The following CD9 variants were observed in gnomAD, a reference collection of about 807,000 sequenced individuals.
CD9 encodes the protein CD9 antigen.
A neutral mutation model predicts 31.4 loss-of-function variants in CD9; 10 were observed. The ratio of observed to expected loss-of-function variants is 0.32; its 90% CI spans 0.20 to 0.54. The LOEUF (loss-of-function observed/expected upper bound fraction) is 0.54. CD9 is among the 20% of genes least tolerant of loss of function. The pLI, the probability that CD9 is intolerant of heterozygous loss-of-function variation, is 0.94. For synonymous variants in CD9, 113 were observed against 114.1 expected (o/e 0.99, Z 0.06); for missense variants, 259 against 300.1 (o/e 0.86, Z 1.01).
chr12:6,229,711 G>GTCC (rs11568256), intron 2 of CD9, among the ~76,000 whole-genome samples: 4,168 of 152,118 alleles, frequency 0.027, 181 homozygotes, highest in African/African-American at 0.093. Flanking sequence ...AGCCTGCTGT[G>GTCC]TCCTCTCCCT....
At position 6,200,687 on chromosome 12, in the gene CD9, G is replaced by A. The variant is rs527519221; in HGVS notation, c.66+122G>A. ...CCCGCACCGGGCAGGCACCGGGCGG[G>A]AAGAGAGAGCGCCCTGCGGCTGCCA... On this transcript the variant is annotated intron_variant, in intron 1 of 7. Coordinates refer to ENST00000009180, the MANE Select transcript of CD9 (RefSeq NM_001769.4). 10 of 616,076 alleles carry A rather than the reference G, an allele frequency of 1.6e-5. No individual in the cohort carries two copies. In the South Asian group the frequency reaches 2.1e-4, roughly 13 times the overall value. The allele number at this position is 616,076 out of a possible 1,614,324, so 38.2% of individuals were successfully genotyped here.
intron 1 of CD9, among the ~76,000 whole-genome samples, chr12:6,203,544 T>G (rs1165400246): frequency 6.6e-6 from 1 of 152,142 alleles, no homozygotes; most frequent in Non-Finnish European, 1.5e-5. Flanking sequence ...GGGCTGTGCC[T>G]CTTCCCTGGC....
chr12:6,233,163 A>G, intron 3 of CD9: 3 of 667,538 alleles, frequency 4.5e-6, no homozygotes, highest in South Asian at 3.3e-5. Context: ...TGTAAATGCT[A>G]GTTCTGGGCT....
chr12:6,223,575 T>C (rs1292071939), intron 1 of CD9, among the ~76,000 whole-genome samples: 3 of 151,020 alleles, frequency 2.0e-5, no homozygotes, highest in African/African-American at 7.4e-5. Flanking sequence ...TTTGTACTTT[T>C]AATGCTCAGG....
At chr12:6,219,217 G>C (rs1946269807) in intron 1 of CD9, among the ~76,000 whole-genome samples, 1 of 151,976 alleles carries the variant, frequency 6.6e-6, no homozygotes, top group Non-Finnish European at 1.5e-5. Context: ...TGTTGGCCAG[G>C]CTGGTCTCAA....
intron 1 of CD9, among the ~76,000 whole-genome samples, chr12:6,205,297 C>T (rs1232348124): frequency 6.6e-6 from 1 of 152,182 alleles, no homozygotes; most frequent in African/African-American, 2.4e-5. Context: ...CAACAAAGAC[C>T]CAATCTTTTG....
At chr12:6,201,185 C>G (rs1210427577) in intron 1 of CD9, among the ~76,000 whole-genome samples, 2 of 152,212 alleles carry the variant, frequency 1.3e-5, no homozygotes, top group Non-Finnish European at 2.9e-5. Flanking sequence ...CGCAGGCCCC[C>G]GTTCCCTCAG....
At position 6,232,477 on chromosome 12, in the gene CD9, C is replaced by T; in HGVS notation, c.176-155C>T. 1.5e-6 allele frequency: 1 copy of T among 659,590 alleles called. No homozygotes were observed. 40.9% of individuals were successfully genotyped at this position (659,590 alleles called of 1,614,324 possible). A position where few individuals can be genotyped will look rare whatever the true frequency, so the allele number is the denominator to read the frequency against. ...CCTGGGGCAGAGGTGGAAGAGGAGG[C>T]TGTATTTTAAGGAAAGGGAACTTCT... On this transcript the variant is annotated intron_variant, in intron 2 of 7. Coordinates refer to ENST00000009180, the MANE Select transcript of CD9 (RefSeq NM_001769.4). This position sits in a 1 kb window ranked among gnomAD's most constrained non-coding sequence, Gnocchi z 4.8.
At chr12:6,222,438 A>G (rs1241862607) in intron 1 of CD9, among the ~76,000 whole-genome samples, 1 of 152,036 alleles carries the variant, frequency 6.6e-6, no homozygotes, top group African/African-American at 2.4e-5. Context: ...AGCTTTTCCC[A>G]TTTCTCCAGA....
At chr12:6,207,107 C>T in intron 1 of CD9, among the ~76,000 whole-genome samples, 1 of 152,112 alleles carries the variant, frequency 6.6e-6, no homozygotes, top group Non-Finnish European at 1.5e-5. Context: ...GTCTTGAACT[C>T]CTGGGCTCAA....
intron 1 of CD9, among the ~76,000 whole-genome samples, chr12:6,210,551 C>G (rs1173822396): frequency 6.6e-6 from 1 of 152,182 alleles, no homozygotes; most frequent in East Asian, 1.9e-4. Context: ...ATGCAGCTGC[C>G]CTGCTGTCAG....
chr12:6,223,419 G>A (rs1198295872), intron 1 of CD9, among the ~76,000 whole-genome samples: 1 of 152,086 alleles, frequency 6.6e-6, no homozygotes, highest in Non-Finnish European at 1.5e-5. Context: ...CCGCCACCAC[G>A]CCTGGAGAAT....
At chr12:6,234,714 T>C (rs1254198298) in intron 4 of CD9, among the ~76,000 whole-genome samples, 1 of 152,256 alleles carries the variant, frequency 6.6e-6, no homozygotes, top group African/African-American at 2.4e-5. Flanking sequence ...AGATTTACTC[T>C]GTACTGGACA....
chr12:6,206,310 A>G (rs1476516908), intron 1 of CD9, among the ~76,000 whole-genome samples: 3 of 151,872 alleles, frequency 2.0e-5, no homozygotes, highest in South Asian at 2.1e-4. Context: ...TGCAAACTCA[A>G]CCTCCCAGCT....
intron 1 of CD9, among the ~76,000 whole-genome samples, chr12:6,222,550 C>T (rs541830746): frequency 6.6e-6 from 1 of 152,300 alleles, no homozygotes; most frequent in South Asian, 2.1e-4. Flanking sequence ...GGGGGACTCC[C>T]GACTCCGGGC....
chr12:6,222,761 G>A (rs1946308209), intron 1 of CD9, among the ~76,000 whole-genome samples: 1 of 152,214 alleles, frequency 6.6e-6, no homozygotes, highest in Non-Finnish European at 1.5e-5. Flanking sequence ...GTTCCACTGG[G>A]GTACCCTGTC....
chr12:6,229,779 A>G lies in CD9; in HGVS notation c.176-2853A>G, dbSNP rs562379359. Reference sequence around the variant, plus strand: ...AAACACTGTTCCATTTCTTGTGTAAAGGACACGCTGGCATATGCTACTGCT... The same window carrying G: ...AAACACTGTTCCATTTCTTGTGTAAGGGACACGCTGGCATATGCTACTGCT... On this transcript the variant is annotated intron_variant, in intron 2 of 7. Coordinates refer to ENST00000009180, the MANE Select transcript of CD9 (RefSeq NM_001769.4). Among the ~76,000 whole-genome samples, 14 of 151,528 alleles carry G rather than the reference A, an allele frequency of 9.2e-5. No individual in the cohort carries two copies. In the East Asian group the frequency reaches 2.7e-3, roughly 29 times the overall value.
chr12:6,221,144 T>C (rs554782935), intron 1 of CD9, among the ~76,000 whole-genome samples: 4 of 152,208 alleles, frequency 2.6e-5, no homozygotes, highest in Admixed American at 6.5e-5. Context: ...CGAAGAAATT[T>C]CCAGTAAAAC....
rs141582514 is a variant in CD9, at chr12:6,209,777, T to G, written c.66+9212T>G. ...TCGGCTCACTGCAACCTCTGCCTCCTGGGTTCAAGCGATTCTCATGCCTCA... is the reference window on the plus strand; with the variant it reads ...TCGGCTCACTGCAACCTCTGCCTCCGGGGTTCAAGCGATTCTCATGCCTCA... On this transcript the variant is annotated intron_variant, in intron 1 of 7. Transcript: ENST00000009180. Among the ~76,000 whole-genome samples the G allele has an allele frequency of 2.2e-3, 327 of 151,276 alleles. 2 individuals carry two copies. The highest frequency in any genetic ancestry group is 7.2e-3 in the African/African-American group (297 of 41,148).
Sources: allele counts gnomAD v4.1 joint callset (sites outside exome capture counted in the v4.1 genomes callset), GRCh38; gene constraint gnomAD v4.1.1; non-coding constraint Gnocchi (gnomAD v3.1); transcripts MANE v1.5; gene names NCBI Gene and HGNC (gene_info 2026-07-23, HGNC 2026-07-21).